Variants in CRYBA4 observed in about 807,000 individuals in gnomAD.
CRYBA4 encodes crystallin beta A4.
CRYBA4 carries 30 observed loss-of-function variants against 31.7 expected under a neutral mutation model. That is an observed-to-expected ratio of 0.95 (90% confidence interval 0.71 to 1.28). The LOEUF (loss-of-function observed/expected upper bound fraction) is 1.28. Among genes scored for constraint, CRYBA4 ranks in the 50% most tolerant of loss-of-function variants. CRYBA4 has a pLI of 0.00. For missense variants in CRYBA4, 225 were observed against 260.7 expected (o/e 0.86, Z 0.94); for synonymous variants, 102 against 102.3 (o/e 1.00, Z 0.02).
At chr22:26,627,424 CTTTTTCTTTCTTTCTTTCT>C (rs1929762518) in intron 4 of CRYBA4, among the ~76,000 whole-genome samples, 1 of 62,976 alleles carries the variant, frequency 1.6e-5, no homozygotes, top group Non-Finnish European at 2.5e-5. Context: ...TTCTTTCTTT[CTTTTTCTTTCTTTCTTTCT>C]TTCCTTCTTT....
At chr22:26,605,195 T>G in the CRYBA4 span, among the ~76,000 whole-genome samples, 1 of 151,444 alleles carries the variant, frequency 6.6e-6, no homozygotes, top group African/African-American at 2.4e-5. Flanking sequence ...TTCCTGCTTC[T>G]GCTTTCCTAG....
chr22:26,605,343 GT>G, the CRYBA4 span, among the ~76,000 whole-genome samples: 1 of 152,298 alleles, frequency 6.6e-6, no homozygotes, highest in Non-Finnish European at 1.5e-5. Flanking sequence ...TTGATGCACA[GT>G]TTTGCACTCA....
intron 5 of CRYBA4, among the ~76,000 whole-genome samples, chr22:26,629,915 T>C (rs5752359): frequency 0.24 from 32,681 of 135,806 alleles, 4,067 homozygotes; most frequent in East Asian, 0.42. Context: ...TATATATTTA[T>C]GCAGGTGGTG....
the CRYBA4 span, chr22:26,599,399 G>A: frequency 7.4e-7 from 1 of 1,357,710 alleles, no homozygotes; most frequent in Non-Finnish European, 1.0e-6. Flanking sequence ...AGAAATTTTG[G>A]CTTTAGGGAA....
At chr22:26,627,474 TTC>T (rs747444496) in intron 4 of CRYBA4, among the ~76,000 whole-genome samples, 2,357 of 85,852 alleles carry the variant, frequency 0.027, 83 homozygotes, top group Non-Finnish European at 0.036. Flanking sequence ...CTTTCTTTCT[TTC>T]TCTTTCTTTC....
chr22:26,628,423 T>G lies in CRYBA4; in HGVS notation c.436T>G (p.Ser146Ala), dbSNP rs754894870. The G allele has an allele frequency of 6.8e-6, 11 of 1,613,978 alleles. No individual in the cohort carries two copies. Among genetic ancestry groups the G allele is most frequent in the Non-Finnish European group, 9.3e-6 (11 of 1,179,994 alleles). ...TGAAGTAGGGTCCTTCCACGTCCAC[T>G]CTGGGGCGTAAGTGTATTCAAGGCT... ...GNEVGSFHVHSGAWVCSQFPG... is the reference protein window; with the variant it reads ...GNEVGSFHVHAGAWVCSQFPG... Residue 146 changes from serine (S) to alanine (A), a missense_variant, in exon 5 of 6, where the codon TCT (serine) becomes GCT (alanine). Physicochemically the swap from Ser to Ala is moderately conservative, Grantham distance 99 (BLOSUM62 1). Transcript: ENST00000354760.
At chr22:26,607,806 T>A in the CRYBA4 span, 2 of 1,598,602 alleles carry the variant, frequency 1.3e-6, no homozygotes, top group Admixed American at 3.3e-5. Context: ...CATCATCTCC[T>A]TCTTGCCCTT....
chr22:26,597,667 A>C, the CRYBA4 span, among the ~76,000 whole-genome samples: 1 of 152,192 alleles, frequency 6.6e-6, no homozygotes, highest in South Asian at 2.1e-4. Context: ...GATTAATAAC[A>C]TCAATCAATA....
At chr22:26,624,516 C>T (rs1929645031) in intron 3 of CRYBA4, among the ~76,000 whole-genome samples, 2 of 152,332 alleles carry the variant, frequency 1.3e-5, no homozygotes, top group South Asian at 4.1e-4. Flanking sequence ...AATGCTACAC[C>T]TGTGAGTGCC....
the CRYBA4 span, chr22:26,616,206 G>A: frequency 6.2e-7 from 1 of 1,614,222 alleles, no homozygotes. Context: ...TTGGGGCCAG[G>A]GTAGTGCCGG....
the CRYBA4 span, among the ~76,000 whole-genome samples, chr22:26,598,948 G>A: frequency 2.0e-5 from 3 of 152,152 alleles, no homozygotes; most frequent in Non-Finnish European, 4.4e-5. Context: ...GTCTTGACTT[G>A]CTAACTGTGT....
the CRYBA4 span, chr22:26,616,127 C>T: frequency 6.2e-7 from 1 of 1,612,628 alleles, no homozygotes; most frequent in Non-Finnish European, 8.5e-7. Flanking sequence ...CCACTGCACC[C>T]CCAGGTCCTT....
chr22:26,616,448 CCTT>C, the CRYBA4 span: 2 of 745,810 alleles, frequency 2.7e-6, no homozygotes, highest in South Asian at 1.5e-5. Flanking sequence ...CTCTCTATCT[CCTT>C]CTGAAACGGT....
At chr22:26,618,786 A>G (rs140237396), upstream of CRYBA4, among the ~76,000 whole-genome samples, 2 of 152,280 alleles carry the variant, frequency 1.3e-5, no homozygotes, top group African/African-American at 4.8e-5. Flanking sequence ...TGGGGTGGGA[A>G]TGGGAGAGTC....
the CRYBA4 span, among the ~76,000 whole-genome samples, chr22:26,615,736 A>G: frequency 6.6e-6 from 1 of 151,254 alleles, no homozygotes; most frequent in Non-Finnish European, 1.5e-5. Context: ...CTGGTCTCGA[A>G]CTCCTGACCT....
In CRYBA4 at chr22:26,630,529, A is replaced by C. The variant is rs1281261911; in HGVS notation, c.*42A>C. 1.3e-6 allele frequency: 2 copies of C among 1,570,822 alleles called. No homozygotes were observed. Among genetic ancestry groups the C allele is most frequent in the African/African-American group, 2.7e-5 (2 of 74,292 alleles). ...GAGGAGCGCATGCGTGCTTATCTGCAATGGAGGCGCTCTGGAGGCTGTGGT... is the reference window on the plus strand; with the variant it reads ...GAGGAGCGCATGCGTGCTTATCTGCCATGGAGGCGCTCTGGAGGCTGTGGT... On this transcript the variant is annotated 3_prime_UTR_variant, in exon 6 of 6. Coordinates refer to ENST00000354760, the MANE Select transcript of CRYBA4 (RefSeq NM_001886.3).
the CRYBA4 span, chr22:26,599,287 G>C: frequency 3.0e-5 from 18 of 593,096 alleles, no homozygotes; most frequent in Non-Finnish European, 5.4e-5. Flanking sequence ...GAACTTTTCA[G>C]TGTTTGCTGC....
chr22:26,599,123 C>T, the CRYBA4 span, among the ~76,000 whole-genome samples: 1 of 152,218 alleles, frequency 6.6e-6, no homozygotes, highest in African/African-American at 2.4e-5. Context: ...CACGAATGCC[C>T]TGGCTGGACC....
chr22:26,593,067 A>G, the CRYBA4 span, among the ~76,000 whole-genome samples: 1 of 152,146 alleles, frequency 6.6e-6, no homozygotes, highest in Non-Finnish European at 1.5e-5. Context: ...CAGACTGTGC[A>G]GCCCAGGAAT....
Sources: allele counts gnomAD v4.1 joint callset (sites outside exome capture counted in the v4.1 genomes callset), GRCh38; gene constraint gnomAD v4.1.1; transcripts MANE v1.5; gene names NCBI Gene and HGNC (gene_info 2026-07-23, HGNC 2026-07-21).